The following SPMIP3 variants were observed in gnomAD, a reference collection of about 807,000 sequenced individuals.
The protein encoded by SPMIP3 is sperm microtubule inner protein 3, also known as protein SPMIP3.
At chr1:244,357,827 C>T in the SPMIP3 span, among the ~76,000 whole-genome samples, 2 of 152,162 alleles carry the variant, frequency 1.3e-5, no homozygotes, top group South Asian at 2.1e-4. Context: ...CCTGTAATCC[C>T]GGCACTTTGG....
the SPMIP3 span, among the ~76,000 whole-genome samples, chr1:244,380,348 G>C: frequency 6.6e-6 from 1 of 152,030 alleles, no homozygotes; most frequent in African/African-American, 2.4e-5. Flanking sequence ...TCGAACTCCT[G>C]ATCTGAAGTG....
the SPMIP3 span, among the ~76,000 whole-genome samples, chr1:244,370,428 T>G: frequency 7.1e-3 from 1,088 of 152,326 alleles, 11 homozygotes; most frequent in African/African-American, 0.025. Flanking sequence ...CCTCAGTTTC[T>G]TATCAGGCGT....
At chr1:244,353,787 G>T in the SPMIP3 span, among the ~76,000 whole-genome samples, 1 of 152,160 alleles carries the variant, frequency 6.6e-6, no homozygotes, top group African/African-American at 2.4e-5. Context: ...TCCTGAACTG[G>T]GAAAACTGCC....
At chr1:244,378,919 T>TA in the SPMIP3 span, among the ~76,000 whole-genome samples, 28 of 151,816 alleles carry the variant, frequency 1.8e-4, 1 homozygote, top group South Asian at 5.4e-3. Flanking sequence ...TTCTTTTATC[T>TA]TTTATTTATT....
chr1:244,374,129 T>C, the SPMIP3 span, among the ~76,000 whole-genome samples: 1 of 151,970 alleles, frequency 6.6e-6, no homozygotes, highest in Non-Finnish European at 1.5e-5. Flanking sequence ...AATAAATAAA[T>C]ACAATAAAAT....
At chr1:244,380,422 C>T in the SPMIP3 span, among the ~76,000 whole-genome samples, 1 of 152,158 alleles carries the variant, frequency 6.6e-6, no homozygotes, top group Non-Finnish European at 1.5e-5. Context: ...ACCTGGCCAA[C>T]AGACTTTTAA....
chr1:244,353,397 A>G, the SPMIP3 span, among the ~76,000 whole-genome samples: 1 of 152,190 alleles, frequency 6.6e-6, no homozygotes, highest in Admixed American at 6.5e-5. Context: ...AAAACAAACA[A>G]CAACAACAAC....
chr1:244,358,375 G>A, the SPMIP3 span, among the ~76,000 whole-genome samples: 1 of 152,144 alleles, frequency 6.6e-6, no homozygotes, highest in African/African-American at 2.4e-5. Context: ...CTTGAGGTCA[G>A]AAGTTCGAGA....
At chr1:244,353,434 T>C in the SPMIP3 span, among the ~76,000 whole-genome samples, 29 of 152,358 alleles carry the variant, frequency 1.9e-4, no homozygotes, top group African/African-American at 7.0e-4. Flanking sequence ...GTCTCGTTGT[T>C]TGAAGAATTT....
At chr1:244,379,227 C>CTTTT in the SPMIP3 span, among the ~76,000 whole-genome samples, 2 of 140,086 alleles carry the variant, frequency 1.4e-5, no homozygotes, top group African/African-American at 5.3e-5. Flanking sequence ...TGCGCCCGGC[C>CTTTT]TTTTTTTTTT....
the SPMIP3 span, among the ~76,000 whole-genome samples, chr1:244,379,161 C>T: frequency 1.3e-5 from 2 of 151,658 alleles, no homozygotes; most frequent in East Asian, 3.9e-4. Context: ...AACTCCTGAC[C>T]TCATGATCCG....
the SPMIP3 span, among the ~76,000 whole-genome samples, chr1:244,386,203 A>T: frequency 1.3e-5 from 2 of 152,182 alleles, no homozygotes; most frequent in Non-Finnish European, 2.9e-5. Context: ...CTTGATTGTT[A>T]AAGAGTGATA....
chr1:244,360,609 CAG>C, the SPMIP3 span, among the ~76,000 whole-genome samples: 1 of 151,458 alleles, frequency 6.6e-6, no homozygotes, highest in Non-Finnish European at 1.5e-5. Flanking sequence ...ATCGGTCGGG[CAG>C]AGTGACTCAT....
the SPMIP3 span, among the ~76,000 whole-genome samples, chr1:244,374,070 G>A: frequency 2.0e-5 from 3 of 152,032 alleles, no homozygotes; most frequent in East Asian, 5.8e-4. Context: ...CTGAGATTGG[G>A]CCACTGCACT....
At chr1:244,354,481 G>C in the SPMIP3 span, among the ~76,000 whole-genome samples, 357 of 151,256 alleles carry the variant, frequency 2.4e-3, 3 homozygotes, top group African/African-American at 8.3e-3. Context: ...TCAGCCTCCA[G>C]AGTAGCTGAG....
chr1:244,387,176 C>T, the SPMIP3 span, among the ~76,000 whole-genome samples: 6 of 152,052 alleles, frequency 3.9e-5, 1 homozygote, highest in Non-Finnish European at 8.8e-5. Context: ...GTGGCGGGCA[C>T]CTGTAATCCC....
chr1:244,384,942 C>T, the SPMIP3 span, among the ~76,000 whole-genome samples: 1 of 152,146 alleles, frequency 6.6e-6, no homozygotes, highest in Non-Finnish European at 1.5e-5. Flanking sequence ...CACTCTGTCA[C>T]CCAGGCTGGA....
At chr1:244,368,086 G>T in the SPMIP3 span, among the ~76,000 whole-genome samples, 3 of 151,856 alleles carry the variant, frequency 2.0e-5, no homozygotes, top group Non-Finnish European at 2.9e-5. Context: ...TCAGCCTCTC[G>T]AGTGCTGGGA....
the SPMIP3 span, among the ~76,000 whole-genome samples, chr1:244,377,044 G>C: frequency 6.6e-6 from 1 of 151,952 alleles, no homozygotes; most frequent in Non-Finnish European, 1.5e-5. Flanking sequence ...CTGACCTCAG[G>C]TGATCCGCCA....
Sources: gnomAD v4.1 joint callset for allele counts (sites outside exome capture counted in the v4.1 genomes callset) on GRCh38, gnomAD v4.1.1 for gene constraint, MANE v1.5 for transcripts, NCBI Gene and HGNC (gene_info 2026-07-23, HGNC 2026-07-21) for gene names.